Variants in ERG observed in about 807,000 individuals in gnomAD.
ERG encodes transcriptional regulator ERG.
In ERG, 9 loss-of-function variants were observed where a neutral mutation model predicts 55.3. The observed-to-expected ratio is 0.16, with a 90% CI of 0.10 to 0.28. The LOEUF (loss-of-function observed/expected upper bound fraction) is 0.28. ERG is among the 10% of genes least tolerant of loss of function. The probability of loss-of-function intolerance (pLI) is 1.00; values close to 1 mark genes in which losing one functional copy is unlikely to be tolerated. For synonymous variants in ERG, 223 were observed against 237.3 expected, an observed-to-expected ratio of 0.94 and a Z score of 0.55; for missense variants, 434 against 631.6, an observed-to-expected ratio of 0.69 and a Z score of 3.35.
Position 38,391,691 on chromosome 21 carries a change from A to C in ERG, c.839T>G (p.Val280Gly), listed in dbSNP as rs1429260572. Residue 280 changes from valine to glycine, a missense_variant, in exon 8 of 10, where the codon GTG becomes GGG. Transcript: ENST00000288319. Reference sequence around the variant, plus strand: ...AGGACGCTGGTCTTCAGTTTTGGGCACTGTGGAAGGAGATGGTTGAGCAGC... The same window carrying C: ...AGGACGCTGGTCTTCAGTTTTGGGCCCTGTGGAAGGAGATGGTTGAGCAGC... The part of the protein sequence containing the change: ...SKAAQPSPST[V>G]PKTEDQRPQL... 6.2e-7 allele frequency: 1 copy of C among 1,613,984 alleles called. No individual in the cohort carries two copies. The highest frequency in any genetic ancestry group is 8.5e-7 in the Non-Finnish European group (1 of 1,179,970).
intron 2 of ERG, among the ~76,000 whole-genome samples, chr21:38,574,811 GAAGA>G (rs1371734325): frequency 2.6e-5 from 4 of 152,238 alleles, no homozygotes; most frequent in African/African-American, 9.6e-5. Flanking sequence ...TGGGGAAAGT[GAAGA>G]ACTGGCCATG....
At chr21:38,510,485 G>A (rs1028227003) in intron 2 of ERG, among the ~76,000 whole-genome samples, 1 of 152,182 alleles carries the variant, frequency 6.6e-6, no homozygotes. Context: ...TGCCTTTAGT[G>A]ACCCTTAACT....
At position 38,593,048 on chromosome 21, in the gene ERG, A is replaced by G. The variant is rs186548881; in HGVS notation, c.-149-8103T>C. Among the ~76,000 whole-genome samples, 243 of 152,358 alleles carry G rather than the reference A, an allele frequency of 1.6e-3. 1 individual carries two copies. The highest frequency in any genetic ancestry group is 4.5e-3 in the African/African-American group (188 of 41,584). ...AAAGCCCAAGACGTTCTTGGACCCA[A>G]GGAAACTTTCAGTTCTTTCTCAGCC... On this transcript the variant is annotated intron_variant, in intron 1 of 10. Coordinates refer to the ERG transcript ENST00000398910.
chr21:38,549,929 T>C (rs1273819407), intron 2 of ERG, among the ~76,000 whole-genome samples: 3 of 152,188 alleles, frequency 2.0e-5, no homozygotes, highest in Non-Finnish European at 2.9e-5. Flanking sequence ...CAGATGCCTC[T>C]GATAGGTTAC....
chr21:38,468,381 T>C (rs2059108747), intron 1 of ERG, among the ~76,000 whole-genome samples: 1 of 152,256 alleles, frequency 6.6e-6, no homozygotes, highest in Admixed American at 6.5e-5. Flanking sequence ...GAATGCATAC[T>C]GTAAACTTAT....
At chr21:38,635,884 C>T (rs1375783639) in intron 1 of ERG, among the ~76,000 whole-genome samples, 1 of 152,176 alleles carries the variant, frequency 6.6e-6, no homozygotes, top group Non-Finnish European at 1.5e-5. Context: ...CTCTTGCAAT[C>T]ACTAGTTCCA....
chr21:38,561,493 AT>A (rs1327093900), intron 2 of ERG, among the ~76,000 whole-genome samples: 1 of 151,244 alleles, frequency 6.6e-6, no homozygotes, highest in Non-Finnish European at 1.5e-5. Flanking sequence ...GAAAGTAAAT[AT>A]TTGAACTGGG....
At chr21:38,406,308 T>C (rs1363468883) in intron 3 of ERG, among the ~76,000 whole-genome samples, 1 of 152,088 alleles carries the variant, frequency 6.6e-6, no homozygotes, top group East Asian at 1.9e-4. Context: ...CTTGGAAACA[T>C]GTTGTTAGTC....
chr21:38,459,509 A>G (rs967055875), intron 1 of ERG, among the ~76,000 whole-genome samples: 5 of 152,320 alleles, frequency 3.3e-5, no homozygotes, highest in Admixed American at 3.3e-4. Flanking sequence ...CACGACAAAC[A>G]TCTTTGCTTC....
At chr21:38,571,896 GAC>G (rs1322152400) in intron 2 of ERG, among the ~76,000 whole-genome samples, 1 of 152,210 alleles carries the variant, frequency 6.6e-6, no homozygotes, top group African/African-American at 2.4e-5. Context: ...GGACTGTGAT[GAC>G]ACAGAGTCTT....
chr21:38,382,239 GA>G lies in ERG; in HGVS notation c.*1163del, dbSNP rs972660511. The G allele has an allele frequency of 3.4e-5, 36 of 1,049,198 alleles. No individual in the cohort carries two copies. Among genetic ancestry groups the G allele is most frequent in the East Asian group, 5.5e-5 (1 of 18,280 alleles). The allele number at this position is 1,049,198 out of a possible 1,614,324, so 65.0% of individuals were successfully genotyped here. On this transcript the variant is annotated 3_prime_UTR_variant, in exon 10 of 10. Coordinates refer to ENST00000288319, the MANE Select transcript of ERG (RefSeq NM_182918.4). The stretch of plus-strand genomic sequence containing the variant: ...TATATAATTATTATATAAAAAGGGG[GA>G]AAAACATTGACTTGTATACTTCATT...
At chr21:38,406,255 A>G (rs950145578) in intron 3 of ERG, among the ~76,000 whole-genome samples, 1 of 152,114 alleles carries the variant, frequency 6.6e-6, no homozygotes, top group Admixed American at 6.6e-5. Context: ...CTCCAACGGC[A>G]GTGATGACAG....
At position 38,380,292 on chromosome 21, in the gene ERG, T is replaced by C; in HGVS notation, c.*3111A>G. Reference sequence around the variant, plus strand: ...AGCTCCTCCGGCTCCTGCTCCTGGGTTGCAGGTGCCACATCTGTGCAGAAG... The same window carrying C: ...AGCTCCTCCGGCTCCTGCTCCTGGGCTGCAGGTGCCACATCTGTGCAGAAG... On this transcript the variant is annotated 3_prime_UTR_variant, in exon 10 of 10. Transcript: ENST00000288319. 1 of 1,055,976 alleles carries C rather than the reference T, an allele frequency of 9.5e-7. No individual in the cohort carries two copies. Among genetic ancestry groups the C allele is most frequent in the Non-Finnish European group, 1.1e-6 (1 of 873,438 alleles). 65.4% of individuals were successfully genotyped at this position (1,055,976 alleles called of 1,614,324 possible).
At chr21:38,509,155 A>G (rs532462888) in intron 2 of ERG, among the ~76,000 whole-genome samples, 2 of 152,304 alleles carry the variant, frequency 1.3e-5, no homozygotes, top group African/African-American at 4.8e-5. Flanking sequence ...TAAATAATAA[A>G]GTGATCATTG....
intron 1 of ERG, among the ~76,000 whole-genome samples, chr21:38,449,813 T>TAACCTCTTTTGAAAATTTGGG (rs2058924430): frequency 6.6e-6 from 1 of 152,200 alleles, no homozygotes; most frequent in Non-Finnish European, 1.5e-5. Context: ...CCATCATACT[T>TAACCTCTTTTGAAAATTTGGG]AACCTCTTTT....
At chr21:38,564,581 C>G (rs2059911508) in intron 2 of ERG, among the ~76,000 whole-genome samples, 1 of 151,664 alleles carries the variant, frequency 6.6e-6, no homozygotes, top group Admixed American at 6.6e-5. Flanking sequence ...CTTCTTCTCT[C>G]TCTCTCTTTT....
chr21:38,436,779 T>C (rs13046594), intron 2 of ERG, among the ~76,000 whole-genome samples: 127,996 of 151,842 alleles, frequency 0.84, 54,105 homozygotes, highest in East Asian at 0.96. Flanking sequence ...TACCCTCATA[T>C]CTGTTATTGC....
chr21:38,381,246 C>T lies in ERG; in HGVS notation c.*2157G>A, dbSNP rs2146406097. The T allele has an allele frequency of 1.9e-6, 2 of 1,065,208 alleles. No individual in the cohort carries two copies. The highest frequency in any genetic ancestry group is 1.0e-4 in the East Asian group (2 of 20,068). The allele number at this position is 1,065,208 out of a possible 1,614,324, so 66.0% of individuals were successfully genotyped here. ...GGCCCTGAAACAGCTATGAAAAGGG[C>T]CAGTTCAGAAACCTATTCAGCTAAG... On this transcript the variant is annotated 3_prime_UTR_variant, in exon 10 of 10. Coordinates refer to ENST00000288319, the MANE Select transcript of ERG (RefSeq NM_182918.4).
intron 1 of ERG, among the ~76,000 whole-genome samples, chr21:38,467,352 G>A (rs531410205): frequency 9.2e-5 from 14 of 152,214 alleles, no homozygotes; most frequent in East Asian, 1.9e-4. Flanking sequence ...AGCTAGCTCC[G>A]GATCTTTTAT....
Sources: allele counts gnomAD v4.1 joint callset (sites outside exome capture counted in the v4.1 genomes callset), GRCh38; gene constraint gnomAD v4.1.1; transcripts MANE v1.5; gene names NCBI Gene and HGNC (gene_info 2026-07-23, HGNC 2026-07-21).